The following SPP2 variants were observed in gnomAD, a reference collection of about 807,000 sequenced individuals.
SPP2 encodes the protein secreted phosphoprotein 24.
Under a neutral mutation model 28.8 loss-of-function variants are expected in SPP2, and 34 were observed. The observed-to-expected ratio is 1.18, with a 90% CI of 0.90 to 1.57. SPP2 has a LOEUF of 1.57. Among genes scored for constraint, SPP2 ranks in the 40% most tolerant of loss-of-function variants. SPP2 has a pLI of 0.00. For synonymous variants in SPP2, 96 were observed against 89.4 expected (o/e 1.07, Z -0.42); for missense variants, 269 against 263.9 (o/e 1.02, Z -0.13).
intron 4 of SPP2, among the ~76,000 whole-genome samples, chr2:234,061,521 A>G (rs1693719561): frequency 6.6e-6 from 1 of 152,200 alleles, no homozygotes; most frequent in South Asian, 2.1e-4. Flanking sequence ...TTCTAACATA[A>G]TCTTTCTTTC....
intron 2 of SPP2, among the ~76,000 whole-genome samples, chr2:234,052,506 T>C (rs1240244033): frequency 1.3e-5 from 2 of 152,228 alleles, no homozygotes; most frequent in Non-Finnish European, 2.9e-5. Flanking sequence ...AAATCTGCCC[T>C]GTGGAGATGA....
intron 7 of SPP2, among the ~76,000 whole-genome samples, chr2:234,070,765 G>A (rs561826724): frequency 3.0e-4 from 45 of 152,182 alleles, no homozygotes; most frequent in African/African-American, 8.4e-4. Flanking sequence ...CCTGGCCGAC[G>A]TATGCTTTAA....
chr2:234,076,414 G>A (rs1004599613), intron 7 of SPP2, among the ~76,000 whole-genome samples: 2 of 152,188 alleles, frequency 1.3e-5, no homozygotes, highest in Non-Finnish European at 2.9e-5. Context: ...GCACATAGGC[G>A]TCTCTGGAAT....
intron 2 of SPP2, among the ~76,000 whole-genome samples, chr2:234,058,376 C>T (rs1385639165): frequency 6.6e-6 from 1 of 152,200 alleles, no homozygotes; most frequent in Non-Finnish European, 1.5e-5. Flanking sequence ...GGAAGAATGT[C>T]TCCTTGTTCG....
chr2:234,064,269 C>T (rs1693776021), intron 4 of SPP2, among the ~76,000 whole-genome samples: 1 of 151,280 alleles, frequency 6.6e-6, no homozygotes, highest in South Asian at 2.1e-4. Context: ...CTCTCTGTCA[C>T]TGTGCCTTCT....
intron 4 of SPP2, among the ~76,000 whole-genome samples, chr2:234,065,260 T>C (rs1458968514): frequency 6.6e-6 from 1 of 152,100 alleles, no homozygotes; most frequent in Non-Finnish European, 1.5e-5. Context: ...TTCTAGTGAG[T>C]GTGACGTGGT....
intron 7 of SPP2, among the ~76,000 whole-genome samples, chr2:234,075,574 A>ACTCTTCACAGACCGGCTTCTTC (rs1690879815): frequency 6.6e-6 from 1 of 151,800 alleles, no homozygotes; most frequent in African/African-American, 2.4e-5. Context: ...AAGACTTCTT[A>ACTCTTCACAGACCGGCTTCTTC]CTCTTCACAG....
intron 3 of SPP2, 151 bp downstream of exon 3, chr2:234,059,109 G>A: frequency 1.1e-6 from 1 of 905,108 alleles, no homozygotes; most frequent in Non-Finnish European, 1.6e-6. Context: ...GGTGGGGGAA[G>A]TGTTACTCCG....
chr2:234,057,958 A>G (rs1693641467), intron 2 of SPP2, among the ~76,000 whole-genome samples: 1 of 152,244 alleles, frequency 6.6e-6, no homozygotes, highest in Admixed American at 6.5e-5. Context: ...AATCACCACG[A>G]ACACTGAATT....
rs544268754 is a variant in SPP2, at chr2:234,069,461, T to C, written c.551-467T>C. On this transcript the variant is annotated intron_variant, in intron 6 of 7. Coordinates refer to ENST00000168148, the MANE Select transcript of SPP2 (RefSeq NM_006944.3). ...CTATAAATTAATGTGACCAATTCTT[T>C]TATATATCTCAGAAGAAATTTCTAA... Among the ~76,000 whole-genome samples, 3 of 152,332 alleles carry C rather than the reference T, an allele frequency of 2.0e-5. No homozygotes were observed. In the East Asian group the frequency reaches 5.8e-4, roughly 29 times the overall value.
intron 7 of SPP2, among the ~76,000 whole-genome samples, chr2:234,074,405 C>T (rs1690856695): frequency 6.6e-6 from 1 of 152,204 alleles, no homozygotes; most frequent in Admixed American, 6.5e-5. Context: ...GTGATTTCCA[C>T]TTTCAGGTGT....
At position 234,058,868 on chromosome 2, in the gene SPP2, G is replaced by A. The variant is rs779147902; in HGVS notation, c.243G>A (p.Met81Ile). 4 of 1,613,962 alleles carry A rather than the reference G, an allele frequency of 2.5e-6. No individual in the cohort carries two copies. The highest frequency in any genetic ancestry group is 1.1e-5 in the South Asian group (1 of 91,048). ...TCCTAGATGAGAACAACTTGGTCAT[G>A]AATTTAGAGTTCAGCATCCGGGAGA... ...VEVLDENNLV[M>I]NLEFSIRETT... is the part of the protein sequence containing the mutation. The change falls in exon 3 of 8, where the codon ATG becomes ATA. Residue 81 changes from methionine (M) to isoleucine (I), a missense_variant. Met to Ile is a conservative substitution (Grantham distance 10). Coordinates refer to ENST00000168148, the MANE Select transcript of SPP2 (RefSeq NM_006944.3).
intron 2 of SPP2, among the ~76,000 whole-genome samples, chr2:234,051,349 C>A (rs899263109): frequency 6.6e-6 from 1 of 152,202 alleles, no homozygotes; most frequent in East Asian, 1.9e-4. Context: ...TGGTTCCCTG[C>A]AGCCTGCTTT....
chr2:234,069,315 A>G (rs1267171947), intron 6 of SPP2, among the ~76,000 whole-genome samples: 1 of 152,206 alleles, frequency 6.6e-6, no homozygotes, highest in Non-Finnish European at 1.5e-5. Flanking sequence ...TATTAAATAC[A>G]CAGGCCAATC....
chr2:234,075,256 C>T (rs1690873724), intron 7 of SPP2, among the ~76,000 whole-genome samples: 1 of 152,200 alleles, frequency 6.6e-6, no homozygotes, highest in Admixed American at 6.5e-5. Flanking sequence ...AATACAGCAT[C>T]TGTGACTAAT....
At position 234,050,731 on chromosome 2, in the gene SPP2, A is replaced by T; in HGVS notation, c.-56A>T. On this transcript the variant is annotated 5_prime_UTR_variant, in exon 1 of 8. Transcript: ENST00000168148. Reference sequence around the variant, plus strand: ...TTTGATAAAGACAGCTCCTCTTAGGAAGAACTGTCATCCCCAAACACATAG... The same window carrying T: ...TTTGATAAAGACAGCTCCTCTTAGGTAGAACTGTCATCCCCAAACACATAG... 1 of 1,503,044 alleles carries T rather than the reference A, an allele frequency of 6.7e-7. No individual in the cohort carries two copies. Among genetic ancestry groups the T allele is most frequent in the East Asian group, 2.3e-5 (1 of 44,334 alleles). The allele number at this position is 1,503,044 out of a possible 1,614,324, so 93.1% of individuals were successfully genotyped here.
intron 4 of SPP2, 72 bp downstream of exon 4, chr2:234,060,551 G>A: frequency 8.2e-7 from 1 of 1,213,194 alleles, no homozygotes; most frequent in Non-Finnish European, 1.2e-6. Context: ...AAAACAGAGT[G>A]GTTTGCTGGG....
chr2:234,050,812 C>G lies in SPP2; in HGVS notation c.26C>G (p.Thr9Arg), dbSNP rs145529777. 3.1e-6 allele frequency: 5 copies of G among 1,613,820 alleles called. No homozygotes were observed. Among genetic ancestry groups the G allele is most frequent in the Admixed American group, 1.7e-5 (1 of 60,000 alleles). ...ATGATTTCCAGAATGGAGAAGATGA[C>G]GATGATGATGAAGATATTGATTATG... MISRMEKM[T>R]MMMKILIMFA... Residue 9 changes from threonine to arginine, a missense_variant, in exon 1 of 8, where the codon ACG becomes AGG. Thr to Arg is a moderately conservative substitution (Grantham distance 71, BLOSUM62 -1). Transcript: ENST00000168148.
intron 4 of SPP2, among the ~76,000 whole-genome samples, chr2:234,064,034 C>T: frequency 6.6e-6 from 1 of 152,126 alleles, no homozygotes; most frequent in East Asian, 1.9e-4. Context: ...GAGAAGTTGG[C>T]TTCAGGGACA....
Sources: allele counts gnomAD v4.1 joint callset (sites outside exome capture counted in the v4.1 genomes callset), GRCh38; gene constraint gnomAD v4.1.1; transcripts MANE v1.5; gene names NCBI Gene and HGNC (gene_info 2026-07-23, HGNC 2026-07-21).